The following LAMTOR4 variants were observed in gnomAD, a reference collection of about 807,000 sequenced individuals.
The protein encoded by LAMTOR4 is ragulator complex protein LAMTOR4.
A neutral mutation model predicts 13.5 loss-of-function variants in LAMTOR4; 11 were observed. The ratio of observed to expected loss-of-function variants is 0.82; its 90% CI spans 0.51 to 1.35. LAMTOR4 has a LOEUF of 1.35. LAMTOR4 is among the 40% of genes most tolerant of loss of function. The pLI, the probability that LAMTOR4 is intolerant of heterozygous loss-of-function variation, is 0.00. For synonymous variants in LAMTOR4, 69 were observed against 52.3 expected (o/e 1.32, Z -1.38); for missense variants, 128 against 126.2 (o/e 1.01, Z -0.07).
Position 100,153,426 on chromosome 7 carries a change from G to A in LAMTOR4, c.111G>A (p.Glu37=). The A allele has an allele frequency of 6.2e-7, 1 of 1,611,252 alleles. No homozygotes were observed. The highest frequency in any genetic ancestry group is 8.5e-7 in the Non-Finnish European group (1 of 1,179,700). Residue 37 remains glutamate, a synonymous_variant, in exon 3 of 4, where the codon GAG becomes GAA. Coordinates refer to ENST00000341942, the MANE Select transcript of LAMTOR4 (RefSeq NM_001008395.4). ...LASSGDLEND[E]QAASAISELV... ...CATCTGGGGACCTGGAGAATGATGA[G>A]CAGGCAGCCAGTGCCATCTCTGAGC...
rs1798810208 is a variant in LAMTOR4, at chr7:100,154,048, G to A, written c.*84G>A. ...CAGGCACACCTGTCGGTCTTGGCTT[G>A]CTGCTAGAACTAGGGCCTTCTGCTC... On this transcript the variant is annotated 3_prime_UTR_variant, in exon 4 of 4. Transcript: ENST00000341942. The A allele has an allele frequency of 6.4e-6, 7 of 1,091,072 alleles. No homozygotes were observed. Among genetic ancestry groups the A allele is most frequent in the Non-Finnish European group, 9.6e-6 (7 of 730,440 alleles). 67.6% of individuals were successfully genotyped at this position (1,091,072 alleles called of 1,614,324 possible). A position where few individuals can be genotyped will look rare whatever the true frequency, so the allele number is the denominator to read the frequency against.
At chr7:100,152,835 ATGGGGTT>A (rs1006039701) in intron 2 of LAMTOR4, 5 of 152,858 alleles carry the variant, frequency 3.3e-5, no homozygotes, top group African/African-American at 1.2e-4. Context: ...ATCCAGTTTT[ATGGGGTT>A]AGAAAAGCAT....
chr7:100,153,461 C>G lies in LAMTOR4; in HGVS notation c.146C>G (p.Thr49Arg), dbSNP rs1239409335. 6.2e-7 allele frequency: 1 copy of G among 1,610,560 alleles called. No individual in the cohort carries two copies. Among genetic ancestry groups the G allele is most frequent in the Non-Finnish European group, 8.5e-7 (1 of 1,180,014 alleles). ...AASAISELVS[T>R]ACGFRLHRGM... is the part of the protein sequence containing the mutation. The stretch of plus-strand genomic sequence containing the variant: ...AGTGCCATCTCTGAGCTGGTCAGCA[C>G]AGCCTGCGGTTTCCGGCTGCACCGC... The change falls in exon 3 of 4, where the codon ACA (threonine) becomes AGA (arginine). Residue 49 changes from threonine (T) to arginine (R), a missense_variant. Transcript: ENST00000341942.
At chr7:100,149,152 G>A in intron 1 of LAMTOR4, 177 bp downstream of exon 1, 1 of 806,052 alleles carries the variant, frequency 1.2e-6, no homozygotes. Context: ...GGGGTCTGTG[G>A]GAGGGTGTTC....
chr7:100,153,323 A>C, intron 2 of LAMTOR4, 77 bp from the exon 3 acceptor site: 1 of 1,045,532 alleles, frequency 9.6e-7, no homozygotes. Context: ...TGTGAGAACC[A>C]AGGGGACTGT....
In LAMTOR4 at chr7:100,149,009, G is replaced by A. The variant is rs773484141; in HGVS notation, c.3+34G>A. The A allele has an allele frequency of 3.1e-5, 50 of 1,603,920 alleles. No individual in the cohort carries two copies. In the South Asian group the frequency reaches 4.8e-4, roughly 15 times the overall value. On this transcript the variant is annotated intron_variant, in intron 1 of 3. Transcript: ENST00000341942. ...GGACGCATGCGCGAGAGGACCCGCCGGGGGTTCAGCGTCTCTGCTCCCCAG... is the reference window on the plus strand; with the variant it reads ...GGACGCATGCGCGAGAGGACCCGCCAGGGGTTCAGCGTCTCTGCTCCCCAG...
At chr7:100,153,325 G>A in intron 2 of LAMTOR4, 75 bp from the exon 3 acceptor site, 1 of 1,058,420 alleles carries the variant, frequency 9.4e-7, no homozygotes, top group East Asian at 2.4e-5. Flanking sequence ...TGAGAACCAA[G>A]GGGACTGTGC....
rs1322768106 is a variant in LAMTOR4, at chr7:100,153,513, G to A, written c.198G>A (p.Leu66=). ...HRGMNVPFKR[L]SVVFGEHTLL... Reference sequence around the variant, plus strand: ...GCATGAATGTGCCCTTCAAGCGCCTGTCTGGTGAGCCCCTGCCCCTGCCCT... The same window carrying A: ...GCATGAATGTGCCCTTCAAGCGCCTATCTGGTGAGCCCCTGCCCCTGCCCT... The change falls in exon 3 of 4, where the codon CTG becomes CTA. Residue 66 remains leucine, a synonymous_variant. Coordinates refer to ENST00000341942, the MANE Select transcript of LAMTOR4 (RefSeq NM_001008395.4). The A allele has an allele frequency of 1.2e-6, 2 of 1,606,150 alleles. No homozygotes were observed. Among genetic ancestry groups the A allele is most frequent in the East Asian group, 2.2e-5 (1 of 44,880 alleles).
Position 100,154,086 on chromosome 7 carries a change from C to G in LAMTOR4, c.*122C>G. On this transcript the variant is annotated 3_prime_UTR_variant, in exon 4 of 4. Transcript: ENST00000341942. ...GGGCCTTCTGCTCGCCCACCTCCCA[C>G]CCCTACCTGGACGGGCCCAGGCTTG... 2 of 743,400 alleles carry G rather than the reference C, an allele frequency of 2.7e-6. No homozygotes were observed. The highest frequency in any genetic ancestry group is 2.3e-6 in the Non-Finnish European group (1 of 428,096). 46.1% of individuals were successfully genotyped at this position (743,400 alleles called of 1,614,324 possible).
intron 2 of LAMTOR4, among the ~76,000 whole-genome samples, chr7:100,151,235 C>G (rs1312280908): frequency 6.6e-6 from 1 of 151,654 alleles, no homozygotes; most frequent in African/African-American, 2.4e-5. Context: ...CCACCATGCC[C>G]AGCTAATTTT....
At chr7:100,150,935 G>A (rs1475134195) in intron 2 of LAMTOR4, among the ~76,000 whole-genome samples, 1 of 145,930 alleles carries the variant, frequency 6.9e-6, no homozygotes, top group Non-Finnish European at 1.5e-5. Flanking sequence ...GTTGCAGTTA[G>A]CCGAGATCAC....
intron 1 of LAMTOR4, 72 bp from the exon 2 acceptor site, chr7:100,149,427 T>G: frequency 9.7e-7 from 1 of 1,033,732 alleles, no homozygotes; most frequent in Non-Finnish European, 1.5e-6. Context: ...GAGACTTGGG[T>G]TTGCAGGTGA....
At chr7:100,149,385 G>A (rs1798629739) in intron 1 of LAMTOR4, 114 bp from the exon 2 acceptor site, 1 of 762,350 alleles carries the variant, frequency 1.3e-6, no homozygotes, top group African/African-American at 1.7e-5. Context: ...CCTGGCTGGG[G>A]AATGAGAAAA....
intron 2 of LAMTOR4, 131 bp downstream of exon 2, chr7:100,149,710 T>C: frequency 1.6e-6 from 1 of 642,708 alleles, no homozygotes; most frequent in African/African-American, 1.8e-5. Flanking sequence ...CAAAAGTATT[T>C]GCAGTTTTTG....
chr7:100,151,853 C>A (rs1003837945), intron 2 of LAMTOR4, among the ~76,000 whole-genome samples: 1 of 136,680 alleles, frequency 7.3e-6, no homozygotes, highest in East Asian at 2.2e-4. Context: ...AGCACCACCA[C>A]GCCCAGCCAT....
chr7:100,150,578 T>G (rs1409673237), intron 2 of LAMTOR4, among the ~76,000 whole-genome samples: 1 of 152,174 alleles, frequency 6.6e-6, no homozygotes, highest in Admixed American at 6.6e-5. Context: ...TTGAACTTAT[T>G]CTTGAAGGTA....
intron 2 of LAMTOR4, 155 bp downstream of exon 2, chr7:100,149,734 TAATC>T (rs1270831156): frequency 3.5e-6 from 2 of 579,466 alleles, no homozygotes; most frequent in Non-Finnish European, 6.3e-6. Flanking sequence ...TTACTTTCAG[TAATC>T]AGTCTGTGGA....
chr7:100,149,786 A>G (rs1369919424), intron 2 of LAMTOR4: 5 of 475,012 alleles, frequency 1.1e-5, no homozygotes, highest in South Asian at 5.8e-5. Flanking sequence ...ATTTATTTAT[A>G]GTTTTTGAGA....
At position 100,153,863 on chromosome 7, in the gene LAMTOR4, C is replaced by T; in HGVS notation, c.203-4C>T. 1.3e-6 allele frequency: 2 copies of T among 1,564,098 alleles called. No individual in the cohort carries two copies. The highest frequency in any genetic ancestry group is 2.3e-5 in the South Asian group (2 of 85,328). ...GGGCGGGGGAAGGTGTGTCTCTCCT[C>T]CAGTGGTCTTTGGAGAACACACACT... On this transcript the variant is annotated splice_polypyrimidine_tract_variant and splice_region_variant and intron_variant, in intron 3 of 3. Transcript: ENST00000341942.
Sources: allele counts gnomAD v4.1 joint callset (sites outside exome capture counted in the v4.1 genomes callset), GRCh38; gene constraint gnomAD v4.1.1; transcripts MANE v1.5; gene names NCBI Gene and HGNC (gene_info 2026-07-23, HGNC 2026-07-21).